The following ZSWIM6 variants were observed in gnomAD, a reference collection of about 807,000 sequenced individuals.
The protein encoded by ZSWIM6 is zinc finger SWIM-type containing 6, also known as zinc finger SWIM domain-containing protein 6.
In ZSWIM6, 9 loss-of-function variants were observed where a neutral mutation model predicts 113.2. The observed-to-expected ratio is 0.08, with a 90% CI of 0.05 to 0.14. ZSWIM6 has a LOEUF of 0.14. Among genes scored for constraint, ZSWIM6 ranks in the 10% least tolerant of loss-of-function variants. The pLI, the probability that ZSWIM6 is intolerant of heterozygous loss-of-function variation, is 1.00. For synonymous variants in ZSWIM6, 611 were observed against 606.5 expected (o/e 1.01, Z -0.11); for missense variants, 1,162 against 1,552.2 (o/e 0.75, Z 4.22).
At chr5:61,409,794 A>G (rs183345775) in intron 1 of ZSWIM6, among the ~76,000 whole-genome samples, 208 of 152,270 alleles carry the variant, frequency 1.4e-3, no homozygotes, top group African/African-American at 4.8e-3. Context: ...GTAAGCATGG[A>G]GTGCAATACC....
intron 1 of ZSWIM6, among the ~76,000 whole-genome samples, chr5:61,343,424 A>C (rs1160237634): frequency 6.6e-6 from 1 of 152,262 alleles, no homozygotes; most frequent in African/African-American, 2.4e-5. Context: ...AGAAGATACC[A>C]TGTAGAATAA....
intron 1 of ZSWIM6, among the ~76,000 whole-genome samples, chr5:61,450,599 A>T (rs1318555392): frequency 2.0e-5 from 3 of 152,042 alleles, no homozygotes; most frequent in African/African-American, 7.3e-5. Flanking sequence ...GATTTTTTTT[A>T]AATCATTTCC....
chr5:61,437,206 C>CT (rs1746727510), intron 1 of ZSWIM6, among the ~76,000 whole-genome samples: 1 of 152,152 alleles, frequency 6.6e-6, no homozygotes, highest in Non-Finnish European at 1.5e-5. Flanking sequence ...TGAACATGTA[C>CT]TTGTGGGTTT....
intron 1 of ZSWIM6, among the ~76,000 whole-genome samples, chr5:61,361,877 T>C (rs770210460): frequency 6.6e-6 from 1 of 152,222 alleles, no homozygotes; most frequent in Non-Finnish European, 1.5e-5. Flanking sequence ...AAATATACTT[T>C]AAGGACAAGA....
chr5:61,480,669 T>C (rs1010093311), intron 2 of ZSWIM6, among the ~76,000 whole-genome samples: 1 of 152,160 alleles, frequency 6.6e-6, no homozygotes, highest in Non-Finnish European at 1.5e-5. Context: ...AACTTAAATC[T>C]TTTCTAAAAA....
At chr5:61,393,121 C>T (rs1456253188) in intron 1 of ZSWIM6, among the ~76,000 whole-genome samples, 3 of 152,086 alleles carry the variant, frequency 2.0e-5, no homozygotes, top group African/African-American at 7.2e-5. Flanking sequence ...CTCACTGCAA[C>T]CTCCGCCTCC....
chr5:61,336,958 A>G (rs1040268067), intron 1 of ZSWIM6, among the ~76,000 whole-genome samples: 7 of 152,166 alleles, frequency 4.6e-5, no homozygotes, highest in African/African-American at 1.7e-4. Flanking sequence ...GATGGCCGGT[A>G]AACATACTCA....
chr5:61,452,287 A>G (rs1244123633), intron 1 of ZSWIM6, among the ~76,000 whole-genome samples: 1 of 152,172 alleles, frequency 6.6e-6, no homozygotes, highest in Non-Finnish European at 1.5e-5. Context: ...ATAGCTATAT[A>G]GTATTCTATA....
intron 1 of ZSWIM6, among the ~76,000 whole-genome samples, chr5:61,373,511 A>G (rs1745308797): frequency 6.6e-6 from 1 of 150,782 alleles, no homozygotes; most frequent in Non-Finnish European, 1.5e-5. Flanking sequence ...TCTTCATCAT[A>G]CTGCTGCTAC....
intron 1 of ZSWIM6, among the ~76,000 whole-genome samples, chr5:61,416,892 C>T (rs567427675): frequency 5.9e-5 from 9 of 152,270 alleles, no homozygotes; most frequent in South Asian, 2.1e-4. Flanking sequence ...CCCAGCACTT[C>T]GGGAGGCCGA....
chr5:61,473,391 T>C (rs1319095419), intron 2 of ZSWIM6, among the ~76,000 whole-genome samples: 1 of 152,222 alleles, frequency 6.6e-6, no homozygotes, highest in African/African-American at 2.4e-5. Flanking sequence ...TCATTTTCTT[T>C]TAAAATTTAT....
chr5:61,455,484 A>C (rs964061897), intron 1 of ZSWIM6, among the ~76,000 whole-genome samples: 2 of 152,228 alleles, frequency 1.3e-5, no homozygotes, highest in Non-Finnish European at 1.5e-5. Flanking sequence ...ACAAAACTCC[A>C]AAAACAGTGG....
intron 2 of ZSWIM6, among the ~76,000 whole-genome samples, chr5:61,482,479 T>C (rs1747898371): frequency 6.6e-6 from 1 of 152,134 alleles, no homozygotes; most frequent in Non-Finnish European, 1.5e-5. Context: ...ATTCCAGAAC[T>C]TACAGTAAAA....
At chr5:61,375,493 CAAGG>C (rs1477396418) in intron 1 of ZSWIM6, 1 of 1,556,318 alleles carries the variant, frequency 6.4e-7, no homozygotes, top group Non-Finnish European at 8.7e-7. Flanking sequence ...GGATAAGAAA[CAAGG>C]AAAACAGAGA....
intron 1 of ZSWIM6, among the ~76,000 whole-genome samples, chr5:61,461,358 C>T (rs1017752241): frequency 6.6e-6 from 1 of 152,110 alleles, no homozygotes; most frequent in African/African-American, 2.4e-5. Flanking sequence ...TATCTATTTC[C>T]CTTATTTAAT....
At chr5:61,339,757 G>C (rs1744495805) in intron 1 of ZSWIM6, among the ~76,000 whole-genome samples, 1 of 152,126 alleles carries the variant, frequency 6.6e-6, no homozygotes, top group African/African-American at 2.4e-5. Context: ...ACCGTTTTTA[G>C]CTACCTTTCA....
intron 2 of ZSWIM6, among the ~76,000 whole-genome samples, chr5:61,478,820 C>G (rs888560010): frequency 6.6e-6 from 1 of 151,870 alleles, no homozygotes; most frequent in African/African-American, 2.4e-5. Context: ...GCTGAACTTC[C>G]CTTCAAAAAT....
chr5:61,452,759 C>T (rs1381019900), intron 1 of ZSWIM6, among the ~76,000 whole-genome samples: 1 of 152,180 alleles, frequency 6.6e-6, no homozygotes, highest in Non-Finnish European at 1.5e-5. Flanking sequence ...AAACTACAGA[C>T]TTTATTCAGA....
chr5:61,527,424 G>C lies in ZSWIM6; in HGVS notation c.1837+1028G>C, dbSNP rs564565175. On this transcript the variant is annotated intron_variant, in intron 7 of 13. Transcript: ENST00000252744. ...AGAGTATAACTAAAAATTATTAAAA[G>C]GCTAGAGGTTGGAGCAAGTGTCTAT... Among the ~76,000 whole-genome samples the C allele has an allele frequency of 9.5e-4, 144 of 152,260 alleles. 5 individuals are homozygous for C. In the South Asian group the frequency reaches 0.029, roughly 31 times the overall value.
Sources: allele counts gnomAD v4.1 joint callset (sites outside exome capture counted in the v4.1 genomes callset), GRCh38; gene constraint gnomAD v4.1.1; transcripts MANE v1.5; gene names NCBI Gene and HGNC (gene_info 2026-07-23, HGNC 2026-07-21).